Variants in STRA6 observed in about 807,000 individuals in gnomAD.
STRA6 encodes the protein signaling receptor and transporter of retinol STRA6.
Under a neutral mutation model 83.6 loss-of-function variants are expected in STRA6, and 48 were observed. That is an observed-to-expected ratio of 0.57 (90% CI 0.46 to 0.73). STRA6 has a LOEUF of 0.73. STRA6 is among the 30% of genes least tolerant of loss of function. STRA6 has a pLI of 0.00. For missense variants in STRA6, 760 were observed against 838.8 expected (o/e 0.91, Z 1.16); for synonymous variants, 353 against 362.3 (o/e 0.97, Z 0.29).
In STRA6 at chr15:74,180,050, G is replaced by T. The variant is rs2072895988; in HGVS notation, c.*30C>A. On this transcript the variant is annotated 3_prime_UTR_variant, in exon 19 of 19. Transcript: ENST00000395105. ...GTAGGCAGGAACATGCCTCAGCACA[G>T]ATGGGCAGGTGGGTTGACCTTCCCT... The T allele has an allele frequency of 1.2e-6, 2 of 1,607,284 alleles. No homozygotes were observed. The highest frequency in any genetic ancestry group is 2.2e-5 in the South Asian group (2 of 90,884).
Position 74,182,261 on chromosome 15 carries a change from G to T in STRA6, c.1420C>A (p.Pro474Thr). The part of the protein sequence containing the change: ...LLFRSLESSW[P>T]FWLTLALAVI... ...GCCAGGGCCAAAGTCAGCCAGAAGG[G>T]CCTGCCAGTGGGGTGGGGAGGTGGT... The change falls in exon 16 of 19, where the codon CCC (proline) becomes ACC (threonine). Residue 474 changes from proline to threonine, a missense_variant and splice_region_variant. Pro to Thr is a conservative substitution (Grantham distance 38). Coordinates refer to ENST00000395105, the MANE Select transcript of STRA6 (RefSeq NM_022369.4). 1 of 1,614,140 alleles carries T rather than the reference G, an allele frequency of 6.2e-7. No homozygotes were observed. Among genetic ancestry groups the T allele is most frequent in the East Asian group, 2.2e-5 (1 of 44,876 alleles).
At chr15:74,184,064 C>A in intron 13 of STRA6, 75 bp from the exon 14 acceptor site, 1 of 1,591,422 alleles carries the variant, frequency 6.3e-7, no homozygotes, top group East Asian at 2.2e-5. Flanking sequence ...GGGCCAGCAA[C>A]TGGCCAAACT....
At chr15:74,195,576 A>C in intron 6 of STRA6, 76 bp downstream of exon 6, 1 of 1,564,612 alleles carries the variant, frequency 6.4e-7, no homozygotes, top group Non-Finnish European at 8.7e-7. Context: ...GCCCTTCAGC[A>C]CGTTCAGTGG....
intron 4 of STRA6, 62 bp downstream of exon 4, chr15:74,197,276 C>T: frequency 8.0e-7 from 1 of 1,249,552 alleles, no homozygotes; most frequent in Admixed American, 2.0e-5. Context: ...ATCACCCACC[C>T]TCCCAGAGGG....
intron 8 of STRA6, chr15:74,191,804 A>T: frequency 2.2e-6 from 1 of 464,356 alleles, no homozygotes. Context: ...GTTTCTTCCC[A>T]CCCCTAGCCC....
chr15:74,184,444 C>T (rs1214151007), intron 13 of STRA6, among the ~76,000 whole-genome samples: 2 of 152,168 alleles, frequency 1.3e-5, no homozygotes, highest in Non-Finnish European at 1.5e-5. Flanking sequence ...AGTGCTCGGG[C>T]TGCCCCTTCC....
rs764925422 is a variant in STRA6, at chr15:74,196,054, G to T, written c.360C>A (p.Asp120Glu). Reference sequence around the variant, plus strand: ...GAGTCAGGAAGGGCAATGCGTCCTCGTCGGGGAGCAGCAAACACAGGGAGC... The same window carrying T: ...GAGTCAGGAAGGGCAATGCGTCCTCTTCGGGGAGCAGCAAACACAGGGAGC... The part of the protein sequence containing the change: ...LLSSLCLLLP[D>E]EDALPFLTLA... Residue 120 changes from aspartate to glutamate, a missense_variant, in exon 5 of 19, where the codon GAC becomes GAA. Transcript: ENST00000395105. 4 of 1,613,986 alleles carry T rather than the reference G, an allele frequency of 2.5e-6. No individual in the cohort carries two copies. Among genetic ancestry groups the T allele is most frequent in the South Asian group, 1.1e-5 (1 of 91,062 alleles).
intron 5 of STRA6, 96 bp downstream of exon 5, chr15:74,195,912 G>T: frequency 6.5e-7 from 1 of 1,548,970 alleles, no homozygotes. Context: ...AGCTGTTCCT[G>T]TTACTCTCAT....
intron 16 of STRA6, 82 bp downstream of exon 16, chr15:74,182,079 G>A (rs1217906888): frequency 5.8e-6 from 7 of 1,198,490 alleles, no homozygotes; most frequent in Non-Finnish European, 8.7e-6. Flanking sequence ...ATAGATGGCA[G>A]TGGAGGGAGG....
chr15:74,189,016 AG>A (rs1424554438), intron 12 of STRA6, 98 bp downstream of exon 12: 1 of 1,433,468 alleles, frequency 7.0e-7, no homozygotes, highest in Non-Finnish European at 9.6e-7. Flanking sequence ...AATGTGTCCA[AG>A]GGCCCCCAGT....
At chr15:74,201,202 A>C (rs1361870882) in intron 2 of STRA6, among the ~76,000 whole-genome samples, 1 of 152,174 alleles carries the variant, frequency 6.6e-6, no homozygotes, top group African/African-American at 2.4e-5. Flanking sequence ...ACCCAAGCCC[A>C]GCCAGGCCGC....
chr15:74,194,989 G>A lies in STRA6; in HGVS notation c.597+313C>T, dbSNP rs894521385. The A allele has an allele frequency of 9.8e-6, 14 of 1,432,636 alleles. No individual in the cohort carries two copies. In the African/African-American group the frequency reaches 1.1e-4, roughly 12 times the overall value. 88.7% of individuals were successfully genotyped at this position (1,432,636 alleles called of 1,614,324 possible). ...TCCAGCCTGACCAAAGGGAAGCTGGGGGATCACTAACACAGGCATTGGGGG... is the reference window on the plus strand; with the variant it reads ...TCCAGCCTGACCAAAGGGAAGCTGGAGGATCACTAACACAGGCATTGGGGG... On this transcript the variant is annotated intron_variant, in intron 7 of 18. Transcript: ENST00000395105.
chr15:74,207,684 C>T, upstream of STRA6: 2 of 1,534,788 alleles, frequency 1.3e-6, no homozygotes, highest in South Asian at 1.2e-5. Flanking sequence ...GGGGGGATGG[C>T]CACTGTGCCC....
upstream of STRA6, among the ~76,000 whole-genome samples, chr15:74,210,889 T>C (rs2074357499): frequency 1.3e-5 from 2 of 152,184 alleles, no homozygotes; most frequent in African/African-American, 4.8e-5. Flanking sequence ...TGAAAAACAG[T>C]TGTGATAGCT....
intron 2 of STRA6, among the ~76,000 whole-genome samples, chr15:74,201,490 G>A (rs567169298): frequency 1.1e-4 from 16 of 152,238 alleles, no homozygotes; most frequent in African/African-American, 1.7e-4. Context: ...ACTAAACCCC[G>A]GTAGAATGGA....
At chr15:74,206,114 C>A (rs2074256096), upstream of STRA6, among the ~76,000 whole-genome samples, 1 of 152,174 alleles carries the variant, frequency 6.6e-6, no homozygotes, top group Admixed American at 6.5e-5. Context: ...GAACTCTCCC[C>A]ACAAGGCCCC....
intron 2 of STRA6, among the ~76,000 whole-genome samples, chr15:74,199,376 C>T (rs1415948600): frequency 7.8e-6 from 1 of 128,890 alleles, no homozygotes; most frequent in Admixed American, 7.3e-5. Context: ...AGCCTCTTCC[C>T]AAAGTAGAAC....
Position 74,183,597 on chromosome 15 carries a change from GA to G in STRA6, c.1300+258del, listed in dbSNP as rs2073097168. ...TCCAGACCTGGGTCCACCCCCATGT[GA>G]ATACTTGGTGGCACCCAGGGTTCAT... On this transcript the variant is annotated intron_variant, in intron 14 of 18. Coordinates refer to ENST00000395105, the MANE Select transcript of STRA6 (RefSeq NM_022369.4). 5.2e-6 allele frequency: 7 copies of G among 1,339,404 alleles called. No homozygotes were observed. The South Asian group carries it at 1.1e-4, about 20-fold the overall frequency. 83.0% of individuals were successfully genotyped at this position (1,339,404 alleles called of 1,614,324 possible). A position where few individuals can be genotyped will look rare whatever the true frequency, so the allele number is the denominator to read the frequency against.
chr15:74,188,564 A>G lies in STRA6; in HGVS notation c.1090+551T>C, dbSNP rs1452207927. On this transcript the variant is annotated intron_variant, in intron 12 of 18. Coordinates refer to ENST00000395105, the MANE Select transcript of STRA6 (RefSeq NM_022369.4). This position sits in a 1 kb window ranked among gnomAD's most constrained non-coding sequence, Gnocchi z 4.5. ...CACAGCGCTGTTGGGAGCGCCCAGG[A>G]GGCAGAGTAAGTAGGTGGCTGCAGG... Among the ~76,000 whole-genome samples the G allele has an allele frequency of 1.3e-5, 2 of 152,202 alleles. No homozygotes were observed. Among genetic ancestry groups the G allele is most frequent in the Non-Finnish European group, 2.9e-5 (2 of 68,038 alleles).
Sources: gnomAD v4.1 joint callset for allele counts (sites outside exome capture counted in the v4.1 genomes callset) on GRCh38, gnomAD v4.1.1 for gene constraint, Gnocchi (gnomAD v3.1) non-coding constraint, MANE v1.5 for transcripts, NCBI Gene and HGNC (gene_info 2026-07-23, HGNC 2026-07-21) for gene names.